The following RALGPS2 variants were observed in gnomAD, a reference collection of about 807,000 sequenced individuals.
RALGPS2 encodes ras-specific guanine nucleotide-releasing factor RalGPS2.
In RALGPS2, 43 loss-of-function variants were observed where a neutral mutation model predicts 86.8. The observed-to-expected ratio is 0.50, with a 90% CI of 0.39 to 0.64. RALGPS2 has a LOEUF of 0.64. RALGPS2 is among the 30% of genes least tolerant of loss of function. The probability of loss-of-function intolerance (pLI) is 0.00; values close to 1 mark genes in which losing one functional copy is unlikely to be tolerated. For synonymous variants in RALGPS2, 243 were observed against 231.3 expected (o/e 1.05, Z -0.46); for missense variants, 536 against 694.6 (o/e 0.77, Z 2.57).
chr1:178,757,978 G>A (rs1652038621), intron 1 of RALGPS2, among the ~76,000 whole-genome samples: 1 of 152,050 alleles, frequency 6.6e-6, no homozygotes, highest in Admixed American at 6.6e-5. Context: ...TGATATTGGT[G>A]TGTTTAGGGT....
intron 6 of RALGPS2, among the ~76,000 whole-genome samples, chr1:178,816,854 A>G (rs1290060482): frequency 6.6e-6 from 1 of 151,674 alleles, no homozygotes; most frequent in Non-Finnish European, 1.5e-5. Flanking sequence ...GATTACAGGC[A>G]TGCACCACCA....
intron 6 of RALGPS2, among the ~76,000 whole-genome samples, chr1:178,819,015 G>T (rs1655369089): frequency 6.8e-6 from 1 of 147,386 alleles, no homozygotes; most frequent in East Asian, 2.0e-4. Flanking sequence ...TTGAGACAGG[G>T]TCTTGCTGGG....
chr1:178,746,314 A>G (rs1406523675), intron 1 of RALGPS2, among the ~76,000 whole-genome samples: 1 of 152,250 alleles, frequency 6.6e-6, no homozygotes, highest in Non-Finnish European at 1.5e-5. Flanking sequence ...AAGTATATGA[A>G]AAGATGTTTA....
intron 4 of RALGPS2, among the ~76,000 whole-genome samples, chr1:178,799,829 G>A (rs1195782306): frequency 6.6e-6 from 1 of 152,038 alleles, no homozygotes; most frequent in Non-Finnish European, 1.5e-5. Flanking sequence ...TAAAAGAATT[G>A]CACTATTGAA....
At chr1:178,737,076 A>G (rs1232413682) in intron 1 of RALGPS2, among the ~76,000 whole-genome samples, 1 of 152,184 alleles carries the variant, frequency 6.6e-6, no homozygotes, top group East Asian at 1.9e-4. Context: ...TACCCAACTT[A>G]CTGTATTTCA....
intron 2 of RALGPS2, among the ~76,000 whole-genome samples, chr1:178,780,946 TTA>T (rs1183586778): frequency 6.6e-6 from 1 of 152,032 alleles, no homozygotes; most frequent in Non-Finnish European, 1.5e-5. Context: ...AAGATTATGT[TTA>T]TATATATGTT....
intron 8 of RALGPS2, among the ~76,000 whole-genome samples, chr1:178,873,785 C>T (rs1658875487): frequency 1.3e-5 from 2 of 152,138 alleles, no homozygotes; most frequent in Admixed American, 6.6e-5. Context: ...CATTTAACAG[C>T]GTGGACAAGT....
intron 4 of RALGPS2, among the ~76,000 whole-genome samples, chr1:178,801,546 A>G (rs1572346468): frequency 6.6e-6 from 1 of 152,166 alleles, no homozygotes; most frequent in South Asian, 2.1e-4. Context: ...AAATTTTTTA[A>G]TACTTTTCTG....
intron 1 of RALGPS2, among the ~76,000 whole-genome samples, chr1:178,749,430 G>T (rs898003133): frequency 1.3e-5 from 2 of 152,188 alleles, no homozygotes; most frequent in South Asian, 4.1e-4. Context: ...AGGTTGCAGT[G>T]AGCCTGGTTT....
chr1:178,918,662 C>A lies in RALGPS2; in HGVS notation c.*2303C>A, dbSNP rs1660886515. On this transcript the variant is annotated 3_prime_UTR_variant, in exon 20 of 20. Transcript: ENST00000367635. ...CTAAATTTCTTAACAGCACAGAAGTCGTTGTTTTTCTGTCTTTAAAATTTA... is the reference window on the plus strand; with the variant it reads ...CTAAATTTCTTAACAGCACAGAAGTAGTTGTTTTTCTGTCTTTAAAATTTA... 1 of 152,032 alleles carries A rather than the reference C, an allele frequency of 6.6e-6. No individual in the cohort carries two copies. The highest frequency in any genetic ancestry group is 2.4e-5 in the African/African-American group (1 of 41,418). The allele number at this position is 152,032 out of a possible 1,614,324, so 9.4% of individuals were successfully genotyped here. A position where few individuals can be genotyped will look rare whatever the true frequency, so the allele number is the denominator to read the frequency against.
intron 6 of RALGPS2, among the ~76,000 whole-genome samples, chr1:178,820,520 G>A (rs895847701): frequency 2.0e-5 from 3 of 152,004 alleles, no homozygotes; most frequent in African/African-American, 7.3e-5. Flanking sequence ...TGTCATTTCT[G>A]GAAATCTGAA....
At chr1:178,787,179 C>G (rs1653696942) in intron 4 of RALGPS2, among the ~76,000 whole-genome samples, 2 of 151,890 alleles carry the variant, frequency 1.3e-5, no homozygotes, top group Admixed American at 6.6e-5. Flanking sequence ...AAATGAAATT[C>G]TTTATGCAAA....
At chr1:178,865,800 T>A (rs1272769841) in intron 8 of RALGPS2, 14 of 1,522,404 alleles carry the variant, frequency 9.2e-6, no homozygotes, top group Non-Finnish European at 1.2e-5. Flanking sequence ...TGTAAAATGA[T>A]GTCTTTTGAA....
intron 8 of RALGPS2, among the ~76,000 whole-genome samples, chr1:178,839,624 C>G (rs71630203): frequency 0.23 from 35,018 of 151,988 alleles, 4,919 homozygotes; most frequent in Non-Finnish European, 0.32. Context: ...AAATAACCAG[C>G]GAACATCATA....
In RALGPS2 at chr1:178,864,891, G is replaced by T. The variant is rs2102334655; in HGVS notation, c.608-12607G>T. On this transcript the variant is annotated intron_variant, in intron 8 of 19. Coordinates refer to ENST00000367635, the MANE Select transcript of RALGPS2 (RefSeq NM_152663.5). ...TGAATAAGCATTTATTATGAGCATT[G>T]TTTCATAAGGCATAAAAATATAAAC... 4 of 1,131,358 alleles carry T rather than the reference G, an allele frequency of 3.5e-6. No individual in the cohort carries two copies. In the East Asian group the frequency reaches 1.0e-4, roughly 29 times the overall value. The allele number at this position is 1,131,358 out of a possible 1,614,324, so 70.1% of individuals were successfully genotyped here.
intron 4 of RALGPS2, among the ~76,000 whole-genome samples, chr1:178,803,349 GTTTAA>G (rs1236775129): frequency 2.6e-5 from 4 of 151,844 alleles, no homozygotes; most frequent in Non-Finnish European, 5.9e-5. Context: ...GGTTTGATAA[GTTTAA>G]TTTGATAGAC....
At chr1:178,811,874 A>G (rs1339322030) in intron 6 of RALGPS2, among the ~76,000 whole-genome samples, 7 of 152,324 alleles carry the variant, frequency 4.6e-5, no homozygotes, top group African/African-American at 1.7e-4. Context: ...TAGATAATAA[A>G]TACAGCAAGA....
chr1:178,752,995 T>A (rs1386241105), intron 1 of RALGPS2, among the ~76,000 whole-genome samples: 3 of 152,254 alleles, frequency 2.0e-5, no homozygotes, highest in African/African-American at 7.2e-5. Context: ...TTTCTGTTAT[T>A]GTGACAAACA....
chr1:178,808,992 A>G (rs944907282), intron 5 of RALGPS2, among the ~76,000 whole-genome samples: 4 of 152,108 alleles, frequency 2.6e-5, no homozygotes, highest in African/African-American at 7.2e-5. Context: ...GACTACAGGC[A>G]TGCACCACCA....
Sources: gnomAD v4.1 joint callset for allele counts (sites outside exome capture counted in the v4.1 genomes callset) on GRCh38, gnomAD v4.1.1 for gene constraint, MANE v1.5 for transcripts, NCBI Gene and HGNC (gene_info 2026-07-23, HGNC 2026-07-21) for gene names.